The following RUNX2 variants were observed in gnomAD, a reference collection of about 807,000 sequenced individuals.
The protein encoded by RUNX2 is runt-related transcription factor 2.
A neutral mutation model predicts 51.7 loss-of-function variants in RUNX2; 10 were observed. That is an observed-to-expected ratio of 0.19 (90% CI 0.12 to 0.33). RUNX2 has a LOEUF of 0.33. RUNX2 is among the 10% of genes least tolerant of loss of function. The pLI is 1.00. For synonymous variants in RUNX2, 276 were observed against 273.6 expected (o/e 1.01, Z -0.09); for missense variants, 562 against 691.3 (o/e 0.81, Z 2.10).
At chr6:45,546,690 T>A (rs1802411052) in intron 8 of RUNX2, 137 bp from the exon 9 acceptor site, 1 of 739,750 alleles carries the variant, frequency 1.4e-6, no homozygotes, top group African/African-American at 1.8e-5. Context: ...GACTGGTGCA[T>A]TTGAAGGTCT....
chr6:45,423,596 G>A (rs532514287), intron 3 of RUNX2, among the ~76,000 whole-genome samples: 2 of 150,570 alleles, frequency 1.3e-5, no homozygotes, highest in South Asian at 2.2e-4. Flanking sequence ...GGGCATTAGT[G>A]CCCGGGGCTG....
intron 2 of RUNX2, 86 bp from the exon 3 acceptor site, chr6:45,422,499 CCCCCAATT>C: frequency 1.3e-6 from 1 of 744,076 alleles, no homozygotes. Context: ...CGCCTTCACC[CCCCCAATT>C]TCCTCCTTGC....
At chr6:45,451,906 C>G (rs563992730) in intron 5 of RUNX2, among the ~76,000 whole-genome samples, 1 of 152,280 alleles carries the variant, frequency 6.6e-6, no homozygotes, top group Non-Finnish European at 1.5e-5. Context: ...GAAGCTCAGA[C>G]TCGCAGAGGT....
At chr6:45,450,356 G>C (rs1373443678) in intron 5 of RUNX2, among the ~76,000 whole-genome samples, 1 of 152,142 alleles carries the variant, frequency 6.6e-6, no homozygotes, top group African/African-American at 2.4e-5. Context: ...GTGACAATTA[G>C]AGATGTGTTT....
intron 2 of RUNX2, among the ~76,000 whole-genome samples, chr6:45,391,752 C>G (rs1442571882): frequency 6.6e-6 from 1 of 152,170 alleles, no homozygotes; most frequent in Non-Finnish European, 1.5e-5. Flanking sequence ...TTATAAAACT[C>G]ACTATCACGA....
intron 2 of RUNX2, among the ~76,000 whole-genome samples, chr6:45,372,306 T>G (rs1481996472): frequency 6.6e-6 from 1 of 152,204 alleles, no homozygotes; most frequent in South Asian, 2.1e-4. Context: ...TAAACCGCCT[T>G]GTACATATAA....
intron 2 of RUNX2, among the ~76,000 whole-genome samples, chr6:45,385,729 G>A (rs574543998): frequency 6.6e-5 from 10 of 152,248 alleles, no homozygotes; most frequent in South Asian, 2.1e-4. Flanking sequence ...GTGAAACCCC[G>A]TCTGTACTAA....
intron 2 of RUNX2, among the ~76,000 whole-genome samples, chr6:45,413,292 T>C (rs1387263269): frequency 6.6e-6 from 1 of 152,108 alleles, no homozygotes; most frequent in Admixed American, 6.5e-5. Context: ...AGATAATCCA[T>C]ATTTTTGTTG....
chr6:45,508,140 A>C (rs1299692923), intron 6 of RUNX2, among the ~76,000 whole-genome samples: 2 of 151,742 alleles, frequency 1.3e-5, no homozygotes, highest in Non-Finnish European at 2.9e-5. Context: ...TTTGTTTAAA[A>C]GGTTGCTATC....
intron 5 of RUNX2, among the ~76,000 whole-genome samples, chr6:45,482,736 TATGGTTTA>T (rs1394558485): frequency 2.0e-5 from 3 of 152,240 alleles, no homozygotes; most frequent in Non-Finnish European, 2.9e-5. Context: ...CTATGGAGTC[TATGGTTTA>T]ACCATGTAAT....
chr6:45,333,301 T>C (rs765350142), intron 2 of RUNX2, among the ~76,000 whole-genome samples: 6 of 151,584 alleles, frequency 4.0e-5, no homozygotes, highest in Non-Finnish European at 7.4e-5. Flanking sequence ...TTAACCACAG[T>C]CAACCACAAG....
At chr6:45,455,003 A>G (rs1362546150) in intron 5 of RUNX2, among the ~76,000 whole-genome samples, 1 of 152,204 alleles carries the variant, frequency 6.6e-6, no homozygotes, top group Admixed American at 6.5e-5. Context: ...AGTCCCAACT[A>G]CTTAGGAGGT....
intron 7 of RUNX2, among the ~76,000 whole-genome samples, chr6:45,524,219 A>AT (rs957719486): frequency 6.6e-6 from 1 of 152,182 alleles, no homozygotes; most frequent in African/African-American, 2.4e-5. Flanking sequence ...TACTGCCTAA[A>AT]TTTTTTTATA....
intron 7 of RUNX2, among the ~76,000 whole-genome samples, chr6:45,535,464 C>T (rs1341655383): frequency 2.0e-4 from 31 of 152,024 alleles, no homozygotes; most frequent in East Asian, 3.9e-4. Flanking sequence ...ATTAGCTGGG[C>T]GTGGTGGCGG....
At chr6:45,414,041 T>C (rs1468815882) in intron 2 of RUNX2, among the ~76,000 whole-genome samples, 2 of 152,144 alleles carry the variant, frequency 1.3e-5, no homozygotes, top group Non-Finnish European at 2.9e-5. Context: ...TATCAAAGTA[T>C]TAAATAATGA....
At chr6:45,470,321 C>T (rs937392504) in intron 5 of RUNX2, among the ~76,000 whole-genome samples, 4 of 152,194 alleles carry the variant, frequency 2.6e-5, no homozygotes, top group Non-Finnish European at 4.4e-5. Context: ...TCTCTTGCCT[C>T]AGATGCATTT....
intron 2 of RUNX2, among the ~76,000 whole-genome samples, chr6:45,400,024 G>T (rs1289846743): frequency 7.5e-6 from 1 of 133,730 alleles, no homozygotes; most frequent in Non-Finnish European, 1.6e-5. Context: ...GAAAGAAGGA[G>T]GGAGGGAGGG....
intron 5 of RUNX2, among the ~76,000 whole-genome samples, chr6:45,475,102 C>T (rs188114589): frequency 1.5e-4 from 21 of 140,580 alleles, no homozygotes; most frequent in Admixed American, 9.0e-4. Context: ...CCAGCCTGGG[C>T]GACAGAGTAA....
At chr6:45,511,110 T>G (rs2150420269) in intron 6 of RUNX2, among the ~76,000 whole-genome samples, 1 of 152,364 alleles carries the variant, frequency 6.6e-6, no homozygotes, top group East Asian at 1.9e-4. Flanking sequence ...TGATTTTGTT[T>G]GATTAGCCCT....
Sources: allele counts gnomAD v4.1 joint callset (sites outside exome capture counted in the v4.1 genomes callset), GRCh38; gene constraint gnomAD v4.1.1; transcripts MANE v1.5; gene names NCBI Gene and HGNC (gene_info 2026-07-23, HGNC 2026-07-21).